The following MRPS30 variants were observed in gnomAD, a reference collection of about 807,000 sequenced individuals.
MRPS30 encodes mitochondrial ribosomal protein S30.
A neutral mutation model predicts 43.8 loss-of-function variants in MRPS30; 42 were observed. The observed-to-expected ratio is 0.96, with a 90% CI of 0.75 to 1.24. The LOEUF (loss-of-function observed/expected upper bound fraction) is 1.24, where lower values mean the gene tolerates loss of function less well. MRPS30 is among the 50% of genes most tolerant of loss of function. The probability of loss-of-function intolerance (pLI) is 0.00; values close to 1 mark genes in which losing one functional copy is unlikely to be tolerated. For missense variants in MRPS30, 638 were observed against 570.0 expected (o/e 1.12, Z -1.22); for synonymous variants, 273 against 228.2 (o/e 1.20, Z -1.77).
chr5:44,809,348 C>T lies in MRPS30; in HGVS notation c.386C>T (p.Pro129Leu), dbSNP rs1213088398. ...CCCCCAGCGGAGCCCGAGCCCGAGC[C>T]CGAACCCGAACCTGAACCTGCGCTG... Reference protein sequence around the residue: ...PPPPAEPEPEPEPEPEPALDL... With the variant: ...PPPPAEPEPELEPEPEPALDL... Residue 129 changes from proline to leucine, a missense_variant, in exon 1 of 5, where the codon CCC becomes CTC. By Grantham distance (98) the Pro-to-Leu change is moderately conservative. Transcript: ENST00000507110. The T allele has an allele frequency of 6.2e-7, 1 of 1,608,134 alleles. No individual in the cohort carries two copies. Among genetic ancestry groups the T allele is most frequent in the African/African-American group, 1.3e-5 (1 of 74,774 alleles).
chr5:44,811,256 T>TAA, intron 2 of MRPS30, 102 bp downstream of exon 2: 5 of 1,339,594 alleles, frequency 3.7e-6, no homozygotes, highest in Non-Finnish European at 5.1e-6. Flanking sequence ...TTCAGGTGGA[T>TAA]CTCTTGCCTT....
At position 44,815,060 on chromosome 5, in the gene MRPS30, G is replaced by C; in HGVS notation, c.1178G>C (p.Cys393Ser). 1 of 1,613,794 alleles carries C rather than the reference G, an allele frequency of 6.2e-7. No homozygotes were observed. The highest frequency in any genetic ancestry group is 8.5e-7 in the Non-Finnish European group (1 of 1,179,792). The change falls in exon 5 of 5, where the codon TGT becomes TCT. Residue 393 changes from cysteine to serine, a missense_variant. Physicochemically the swap from Cys to Ser is moderately radical, Grantham distance 112 (BLOSUM62 -1). Transcript: ENST00000507110. ...ADQNNPRKNI[C>S]WGTQSKPLYE... ...CAAAATAACCCTCGTAAAAATATATGTTGGGGTACACAAAGTAAGCCTCTT... is the reference window on the plus strand; with the variant it reads ...CAAAATAACCCTCGTAAAAATATATCTTGGGGTACACAAAGTAAGCCTCTT...
Position 44,815,075 on chromosome 5 carries a change from G to C in MRPS30, c.1193G>C (p.Ser398Thr). Residue 398 changes from serine to threonine, a missense_variant, in exon 5 of 5, where the codon AGT becomes ACT. Transcript: ENST00000507110. ...PRKNICWGTQ[S>T]KPLYETIEDN... ...AAAAATATATGTTGGGGTACACAAA[G>C]TAAGCCTCTTTATGAAACAATTGAG... 6.2e-7 allele frequency: 1 copy of C among 1,613,628 alleles called. No homozygotes were observed. Among genetic ancestry groups the C allele is most frequent in the East Asian group, 2.2e-5 (1 of 44,828 alleles).
chr5:44,811,789 C>T (rs527430300), intron 2 of MRPS30, 126 bp from the exon 3 acceptor site: 17 of 595,352 alleles, frequency 2.9e-5, no homozygotes, highest in African/African-American at 3.9e-5. Context: ...GCCCATCATT[C>T]GATGATAGTA....
At position 44,815,017 on chromosome 5, in the gene MRPS30, C is replaced by T. The variant is rs759642467; in HGVS notation, c.1135C>T (p.Leu379=). Residue 379 remains leucine, a synonymous_variant, in exon 5 of 5, where the codon CTG becomes TTG. Transcript: ENST00000507110. ...CTGCTACCAGCTAAATACTTTGGCA[C>T]TGACTACACAAGCTGATCAAAATAA... The part of the protein sequence containing the change: ...FFCYQLNTLA[L]TTQADQNNPR... The T allele has an allele frequency of 4.3e-5, 70 of 1,613,760 alleles. No individual in the cohort carries two copies. The highest frequency in any genetic ancestry group is 5.6e-5 in the Non-Finnish European group (66 of 1,179,822).
chr5:44,813,292 AATTTTAT>A lies in MRPS30; in HGVS notation c.1030+12_1030+18del, dbSNP rs753193967. 1.1e-5 allele frequency: 17 copies of A among 1,555,858 alleles called. No homozygotes were observed. Among genetic ancestry groups the A allele is most frequent in the Non-Finnish European group, 1.7e-6 (2 of 1,155,976 alleles). On this transcript the variant is annotated intron_variant, in intron 4 of 4. Transcript: ENST00000507110. ...CAAGCTATGTATCAAGGTAAAAATTAATTTTATAGCATTTTCTTTGAAGGTATTTGTA... is the reference window on the plus strand; with the variant it reads ...CAAGCTATGTATCAAGGTAAAAATTAAGCATTTTCTTTGAAGGTATTTGTA...
chr5:44,811,172 T>C lies in MRPS30; in HGVS notation c.747+18T>C. The C allele has an allele frequency of 1.9e-6, 3 of 1,612,354 alleles. No homozygotes were observed. Among genetic ancestry groups the C allele is most frequent in the Non-Finnish European group, 2.5e-6 (3 of 1,178,550 alleles). On this transcript the variant is annotated intron_variant, in intron 2 of 4. Transcript: ENST00000507110. ...TCGCAGAGGTAAGGATTTATTGCGA[T>C]TATGTATCTATTGATATCTCGTGTA...
intron 1 of MRPS30, among the ~76,000 whole-genome samples, chr5:44,810,265 T>A (rs550856039): frequency 1.3e-5 from 2 of 152,170 alleles, no homozygotes; most frequent in Non-Finnish European, 2.9e-5. Context: ...GTTAAATGTG[T>A]CTGCCTGACA....
At chr5:44,811,879 G>T (rs1742844870) in intron 2 of MRPS30, 36 bp from the exon 3 acceptor site, 1 of 1,227,082 alleles carries the variant, frequency 8.1e-7, no homozygotes. Context: ...TACTAATGTT[G>T]CTGTGAATTT....
chr5:44,812,646 A>AT (rs35118256), intron 3 of MRPS30, among the ~76,000 whole-genome samples: 388 of 147,194 alleles, frequency 2.6e-3, no homozygotes, highest in Middle Eastern at 0.011. Context: ...GTTGCTACTT[A>AT]TTTTTTTTTT....
At chr5:44,813,989 G>A (rs1031278925) in intron 4 of MRPS30, among the ~76,000 whole-genome samples, 5 of 152,140 alleles carry the variant, frequency 3.3e-5, no homozygotes, top group African/African-American at 1.2e-4. Flanking sequence ...GACCTGAATG[G>A]CGAGGAGCTG....
chr5:44,809,569 C>T lies in MRPS30; in HGVS notation c.601+6C>T. The T allele has an allele frequency of 6.3e-7, 1 of 1,581,284 alleles. No homozygotes were observed. The highest frequency in any genetic ancestry group is 8.6e-7 in the Non-Finnish European group (1 of 1,165,022). ...CCTGGCCGCTGCCGCCCTCGGTGAG[C>T]CTTGGATTCCGCCCCAGGGCGGAAG... On this transcript the variant is annotated splice_donor_region_variant and intron_variant, in intron 1 of 4. Coordinates refer to ENST00000507110, the MANE Select transcript of MRPS30 (RefSeq NM_016640.4).
intron 1 of MRPS30, 115 bp from the exon 2 acceptor site, chr5:44,810,894 T>G: frequency 3.4e-6 from 3 of 885,248 alleles, no homozygotes; most frequent in Non-Finnish European, 5.1e-6. Flanking sequence ...CCCAGACTCT[T>G]ACCTCAATCA....
intron 1 of MRPS30, chr5:44,809,870 G>A (rs1742801398): frequency 5.8e-6 from 2 of 346,660 alleles, no homozygotes; most frequent in Non-Finnish European, 1.0e-5. Context: ...TGGTGATGAA[G>A]AGAAACGCCA....
chr5:44,813,363 G>T (rs1315298450), intron 4 of MRPS30, 81 bp downstream of exon 4: 1 of 1,223,736 alleles, frequency 8.2e-7, no homozygotes, highest in African/African-American at 1.6e-5. Flanking sequence ...TTTTCTTTGG[G>T]TTAAAACATA....
chr5:44,809,741 A>G lies in MRPS30; in HGVS notation c.601+178A>G, dbSNP rs1015684354. 23 of 665,410 alleles carry G rather than the reference A, an allele frequency of 3.5e-5. No individual in the cohort carries two copies. In the South Asian group the frequency reaches 4.7e-4, roughly 14 times the overall value. The allele number at this position is 665,410 out of a possible 1,614,324, so 41.2% of individuals were successfully genotyped here. A position where few individuals can be genotyped will look rare whatever the true frequency, so the allele number is the denominator to read the frequency against. ...AACAGTCACTGCGTTAGGAATCTAG[A>G]GACTAGGTGTGTGTGGCTGCGCTAA... is the stretch of plus-strand genomic sequence containing the variant. On this transcript the variant is annotated intron_variant, in intron 1 of 4. Transcript: ENST00000507110.
rs758060607 is a variant in MRPS30 at position 44,810,994 on chromosome 5, A to C, written c.602-15A>C. ...GATGATCAGATGAAAAAAATTTTGA[A>C]TATCTTTTTGATAGATTATAGATGC... is the stretch of plus-strand genomic sequence containing the variant. On this transcript the variant is annotated splice_polypyrimidine_tract_variant and intron_variant, in intron 1 of 4. Coordinates refer to ENST00000507110, the MANE Select transcript of MRPS30 (RefSeq NM_016640.4). The C allele has an allele frequency of 6.2e-7, 1 of 1,609,252 alleles. No homozygotes were observed. The highest frequency in any genetic ancestry group is 8.5e-7 in the Non-Finnish European group (1 of 1,177,116).
At chr5:44,811,810 A>G in intron 2 of MRPS30, 105 bp from the exon 3 acceptor site, 1 of 713,894 alleles carries the variant, frequency 1.4e-6, no homozygotes, top group Non-Finnish European at 2.2e-6. Context: ...TTATCAAATC[A>G]TTTTGTGAAA....
rs750600820 is a variant in MRPS30 at position 44,809,343 on chromosome 5, C to T, written c.381C>T (p.Pro127=). The change falls in exon 1 of 5, where the codon CCC becomes CCT. Residue 127 remains proline (P), a synonymous_variant. Coordinates refer to ENST00000507110, the MANE Select transcript of MRPS30 (RefSeq NM_016640.4). The stretch of plus-strand genomic sequence containing the variant: ...CGCCGCCCCCAGCGGAGCCCGAGCC[C>T]GAGCCCGAACCCGAACCTGAACCTG... ...GLPPPPAEPE[P]EPEPEPEPAL... is the part of the protein sequence containing the mutation. 1 of 1,608,750 alleles carries T rather than the reference C, an allele frequency of 6.2e-7. No individual in the cohort carries two copies. Among genetic ancestry groups the T allele is most frequent in the Non-Finnish European group, 8.5e-7 (1 of 1,177,870 alleles).
Sources: gnomAD v4.1 joint callset for allele counts (sites outside exome capture counted in the v4.1 genomes callset) on GRCh38, gnomAD v4.1.1 for gene constraint, MANE v1.5 for transcripts, NCBI Gene and HGNC (gene_info 2026-07-23, HGNC 2026-07-21) for gene names.